SRGAP3: variants seen among roughly 807,000 people sequenced by gnomAD.
The protein encoded by SRGAP3 is SLIT-ROBO Rho GTPase-activating protein 3.
Under a neutral mutation model 121.1 loss-of-function variants are expected in SRGAP3, and 39 were observed. That is an observed-to-expected ratio of 0.32 (90% CI 0.25 to 0.42). The LOEUF (loss-of-function observed/expected upper bound fraction) is 0.42, where lower values mean the gene tolerates loss of function less well. Among genes scored for constraint, SRGAP3 ranks in the 10% least tolerant of loss-of-function variants. SRGAP3 has a pLI of 1.00. For missense variants in SRGAP3, 1,213 were observed against 1,470.6 expected (o/e 0.82, Z 2.86); for synonymous variants, 601 against 570.0 (o/e 1.05, Z -0.77).
At chr3:9,267,672 T>A (rs192051733) in intron 3 of SRGAP3, among the ~76,000 whole-genome samples, 2 of 152,270 alleles carry the variant, frequency 1.3e-5, no homozygotes. Context: ...TCACGTAGTC[T>A]CAGATGTATT....
chr3:9,353,363 G>C (rs956061545), intron 1 of SRGAP3, among the ~76,000 whole-genome samples: 1 of 152,240 alleles, frequency 6.6e-6, no homozygotes, highest in Non-Finnish European at 1.5e-5. Context: ...CTAGGTGGCA[G>C]GGGTGCTGCA....
At chr3:9,128,308 T>C (rs370502551) in intron 1 of SRGAP3, among the ~76,000 whole-genome samples, 2 of 152,310 alleles carry the variant, frequency 1.3e-5, no homozygotes, top group East Asian at 3.9e-4. Context: ...CAATGATACA[T>C]AAATCAATAT....
intron 1 of SRGAP3, among the ~76,000 whole-genome samples, chr3:9,214,740 C>T (rs1952558341): frequency 3.3e-5 from 5 of 151,902 alleles, no homozygotes; most frequent in Admixed American, 3.3e-4. Context: ...AGATGAAGGA[C>T]CAGGAATTTG....
At chr3:9,287,017 G>C (rs539225476) in intron 3 of SRGAP3, among the ~76,000 whole-genome samples, 10 of 95,114 alleles carry the variant, frequency 1.1e-4, no homozygotes, top group Admixed American at 4.2e-4. Flanking sequence ...TTTGGGACAG[G>C]GTCTAGCTCT....
At chr3:9,037,912 G>T in intron 11 of SRGAP3, 151 bp downstream of exon 11, 1 of 1,000,108 alleles carries the variant, frequency 1.0e-6, no homozygotes, top group Non-Finnish European at 1.6e-6. Context: ...AGCAGCAACT[G>T]TGCCTCACCT....
At chr3:9,332,805 C>CTAAATGCTT (rs1955631727) in intron 1 of SRGAP3, among the ~76,000 whole-genome samples, 1 of 152,162 alleles carries the variant, frequency 6.6e-6, no homozygotes, top group Non-Finnish European at 1.5e-5. Context: ...TTACCTACAA[C>CTAAATGCTT]TAAATGCTTC....
At chr3:9,308,523 G>C (rs534146134) in intron 3 of SRGAP3, among the ~76,000 whole-genome samples, 63 of 152,120 alleles carry the variant, frequency 4.1e-4, no homozygotes, top group Non-Finnish European at 7.8e-4. Context: ...TTATCACTGA[G>C]GGCCCATGTG....
At chr3:9,164,268 C>A (rs192986788) in intron 1 of SRGAP3, among the ~76,000 whole-genome samples, 2 of 77,674 alleles carry the variant, frequency 2.6e-5, no homozygotes, top group Non-Finnish European at 8.1e-5. Flanking sequence ...CTCCTGACAC[C>A]CAGACTATTT....
intron 21 of SRGAP3, among the ~76,000 whole-genome samples, chr3:8,988,912 C>T (rs1432039961): frequency 6.6e-6 from 1 of 152,208 alleles, no homozygotes; most frequent in African/African-American, 2.4e-5. Flanking sequence ...CGCAATAATG[C>T]TGGCTCCCGC....
At chr3:9,034,141 T>G (rs1944634471) in intron 11 of SRGAP3, 1 of 152,254 alleles carries the variant, frequency 6.6e-6, no homozygotes, top group Admixed American at 6.5e-5. Flanking sequence ...ATACCTGTGT[T>G]GGCTTATTTG....
At chr3:9,168,476 T>TG (rs1190013306) in intron 1 of SRGAP3, among the ~76,000 whole-genome samples, 1 of 152,238 alleles carries the variant, frequency 6.6e-6, no homozygotes, top group Non-Finnish European at 1.5e-5. Context: ...ACATCACGCA[T>TG]GAGCAGGATG....
intron 3 of SRGAP3, among the ~76,000 whole-genome samples, chr3:9,272,318 T>C (rs981165065): frequency 1.3e-5 from 2 of 152,222 alleles, no homozygotes; most frequent in African/African-American, 4.8e-5. Flanking sequence ...CATTAAGCCA[T>C]TCACATTGTT....
intron 1 of SRGAP3, 93 bp from the exon 2 acceptor site, chr3:9,125,010 G>A: frequency 4.1e-6 from 6 of 1,466,544 alleles, no homozygotes; most frequent in Middle Eastern, 4.8e-4. Flanking sequence ...TGCAATTCAG[G>A]CAGCTCCCTC....
At chr3:9,018,963 C>A (rs915737729) in intron 14 of SRGAP3, among the ~76,000 whole-genome samples, 9 of 152,284 alleles carry the variant, frequency 5.9e-5, no homozygotes, top group African/African-American at 1.9e-4. Context: ...ATGTAGTATA[C>A]TTCTAAATAA....
chr3:9,334,862 T>G (rs1261036629), intron 1 of SRGAP3, among the ~76,000 whole-genome samples: 1 of 152,042 alleles, frequency 6.6e-6, no homozygotes, highest in Non-Finnish European at 1.5e-5. Context: ...ATCTGCAAAA[T>G]GGGGATTTAA....
intron 1 of SRGAP3, among the ~76,000 whole-genome samples, chr3:9,204,781 G>C (rs777219429): frequency 1.3e-5 from 2 of 152,216 alleles, no homozygotes; most frequent in African/African-American, 4.8e-5. Context: ...CCCAGCCTTC[G>C]TAGGAGTTAG....
chr3:9,009,567 A>T (rs1943254128), intron 18 of SRGAP3, among the ~76,000 whole-genome samples: 1 of 152,228 alleles, frequency 6.6e-6, no homozygotes, highest in African/African-American at 2.4e-5. Context: ...GACCTCTACA[A>T]GTACCATGGG....
chr3:9,114,535 G>A (rs886102542), intron 2 of SRGAP3, among the ~76,000 whole-genome samples: 9 of 152,268 alleles, frequency 5.9e-5, no homozygotes, highest in East Asian at 1.9e-4. Context: ...TGATTCACGG[G>A]CTCACTGCTT....
At chr3:9,104,882 C>T (rs1182770745) in intron 2 of SRGAP3, 40 bp from the exon 3 acceptor site, 4 of 1,613,174 alleles carry the variant, frequency 2.5e-6, no homozygotes, top group South Asian at 1.1e-5. Flanking sequence ...TACATTGGAA[C>T]TGTCATCCAA....
Sources: allele counts gnomAD v4.1 joint callset (sites outside exome capture counted in the v4.1 genomes callset), GRCh38; gene constraint gnomAD v4.1.1; transcripts MANE v1.5; gene names NCBI Gene and HGNC (gene_info 2026-07-23, HGNC 2026-07-21).